Variants in TAB3 observed in about 807,000 individuals in gnomAD.
The protein encoded by TAB3 is TGF-beta-activated kinase 1 and MAP3K7-binding protein 3.
TAB3 carries 18 observed loss-of-function variants against 48.1 expected under a neutral mutation model. That is an observed-to-expected ratio of 0.37 (90% CI 0.26 to 0.55). The LOEUF is 0.55. Ranked by LOEUF, TAB3 falls within the 20% of genes least tolerant of loss-of-function variation. TAB3 has a pLI of 0.78. For missense variants in TAB3, 414 were observed against 549.8 expected (o/e 0.75, Z 2.47); for synonymous variants, 185 against 190.2 (o/e 0.97, Z 0.22).
chrX:30,869,985 G>T (rs1373176269), intron 2 of TAB3, among the ~76,000 whole-genome samples: 1 of 112,452 alleles, frequency 8.9e-6, no homozygotes, highest in Non-Finnish European at 1.9e-5. Context: ...CTTACTGTGG[G>T]TTTGAGAAAT....
chrX:30,875,272 C>T (rs943956843), intron 1 of TAB3, among the ~76,000 whole-genome samples: 1 of 112,282 alleles, frequency 8.9e-6, no homozygotes, highest in Non-Finnish European at 1.9e-5. Flanking sequence ...AGGTGTGGGA[C>T]GACAGACGAG....
chrX:30,843,105 AT>A (rs746881054), intron 8 of TAB3, 56 bp from the exon 9 acceptor site: 253 of 690,298 alleles, frequency 3.7e-4, no homozygotes, highest in Middle Eastern at 2.6e-3. Context: ...CTGTTATTTG[AT>A]TTTTTTTTAA....
intron 9 of TAB3, among the ~76,000 whole-genome samples, chrX:30,842,151 C>T (rs1450931416): frequency 8.9e-6 from 1 of 112,508 alleles, no homozygotes; most frequent in Non-Finnish European, 1.9e-5. Context: ...AAAATAAGAA[C>T]ATGTTTGATA....
intron 10 of TAB3, among the ~76,000 whole-genome samples, chrX:30,832,973 C>CTTTT (rs771088514): frequency 4.1e-5 from 4 of 97,916 alleles, no homozygotes; most frequent in Non-Finnish European, 6.2e-5. Context: ...TTCTTTCTTT[C>CTTTT]TTTTTTTTTT....
chrX:30,877,627 A>C (rs192747139), intron 1 of TAB3, among the ~76,000 whole-genome samples: 1 of 111,891 alleles, frequency 8.9e-6, no homozygotes, highest in East Asian at 2.8e-4. Context: ...GGGTAATCAC[A>C]AAAAGAATAA....
At chrX:30,831,693 T>A in intron 10 of TAB3, 118 bp from the exon 11 acceptor site, 1 of 802,371 alleles carries the variant, frequency 1.2e-6, no homozygotes, top group African/African-American at 2.1e-5. Flanking sequence ...TTGCCTACTT[T>A]AATATGTAAG....
chrX:30,881,512 G>A (rs1411034292), intron 1 of TAB3, among the ~76,000 whole-genome samples: 4 of 111,442 alleles, frequency 3.6e-5, no homozygotes, highest in Non-Finnish European at 5.7e-5. Flanking sequence ...TACAAGAGGT[G>A]TCAAACCAAC....
In TAB3 at chrX:30,828,009, G is replaced by A. The variant is rs1160525409; in HGVS notation, c.*3418C>T. ...TGTCATTTTTCTTTCTCTACAGATAGATATACAGACACACACGGTAACATG... is the reference window on the plus strand; with the variant it reads ...TGTCATTTTTCTTTCTCTACAGATAAATATACAGACACACACGGTAACATG... On this transcript the variant is annotated 3_prime_UTR_variant, in exon 11 of 11. Coordinates refer to ENST00000288422, the MANE Select transcript of TAB3 (RefSeq NM_152787.5). 1 of 111,966 alleles carries A rather than the reference G, an allele frequency of 8.9e-6. No homozygotes were observed. Among genetic ancestry groups the A allele is most frequent in the Non-Finnish European group, 1.9e-5 (1 of 53,130 alleles). 9.2% of individuals were successfully genotyped at this position (111,966 alleles called of 1,213,427 possible).
intron 9 of TAB3, among the ~76,000 whole-genome samples, chrX:30,842,560 A>G (rs1938487185): frequency 8.9e-6 from 1 of 111,980 alleles, no homozygotes; most frequent in Admixed American, 9.5e-5. Flanking sequence ...TTTAAAAACT[A>G]AAGTTTGGGG....
intron 9 of TAB3, among the ~76,000 whole-genome samples, chrX:30,842,632 C>CA (rs1387860338): frequency 9.8e-6 from 1 of 101,750 alleles, no homozygotes; most frequent in Non-Finnish European, 2.0e-5. Context: ...CAGTGAGCAA[C>CA]ATGGTGAGAT....
chrX:30,853,326 A>G (rs756510616), intron 6 of TAB3, among the ~76,000 whole-genome samples: 5 of 112,857 alleles, frequency 4.4e-5, no homozygotes, highest in Non-Finnish European at 9.4e-5. Flanking sequence ...GTCTACTATT[A>G]GCTAATCCAA....
Position 30,831,530 on chromosome X carries a change from T to C in TAB3, c.2036A>G (p.Asp679Gly). 8.3e-7 allele frequency: 1 copy of C among 1,211,381 alleles called. No homozygotes were observed. The highest frequency in any genetic ancestry group is 1.1e-6 in the Non-Finnish European group (1 of 895,427). The change falls in exon 11 of 11, where the codon GAT becomes GGT. Residue 679 changes from aspartate (D) to glycine (G), a missense_variant. Coordinates refer to ENST00000288422, the MANE Select transcript of TAB3 (RefSeq NM_152787.5). ...CCATGGAGCCCCTTCGTAGTCTTCA[T>C]CTCGAGGTTGTGTCCGAGGACTTTG... ...STQSPRTQPRDEDYEGAPWNC... is the reference protein window; with the variant it reads ...STQSPRTQPRGEDYEGAPWNC...
chrX:30,831,649 A>G (rs1243110056), intron 10 of TAB3, 74 bp from the exon 11 acceptor site: 13 of 1,069,972 alleles, frequency 1.2e-5, no homozygotes, highest in Non-Finnish European at 1.5e-5. Flanking sequence ...ATCCAAACTG[A>G]AAAGAAAAAT....
In TAB3 at chrX:30,831,289, C is replaced by G. The variant is rs748214616; in HGVS notation, c.*138G>C. 1.4e-6 allele frequency: 1 copy of G among 731,074 alleles called. No homozygotes were observed. Among genetic ancestry groups the G allele is most frequent in the Non-Finnish European group, 1.9e-6 (1 of 529,689 alleles). The allele number at this position is 731,074 out of a possible 1,213,427, so 60.2% of individuals were successfully genotyped here. ...ATTTTTCCTTTCGTGAGCACAACGA[C>G]GACCACAAAGCCATTCCTCCTCCCC... is the stretch of plus-strand genomic sequence containing the variant. On this transcript the variant is annotated 3_prime_UTR_variant, in exon 11 of 11. Transcript: ENST00000288422.
intron 1 of TAB3, among the ~76,000 whole-genome samples, chrX:30,878,170 TGCATTA>T (rs1939891200): frequency 8.9e-6 from 1 of 111,833 alleles, no homozygotes; most frequent in Non-Finnish European, 1.9e-5. Flanking sequence ...GAATGAGACA[TGCATTA>T]GTATCTCAGG....
At chrX:30,850,924 A>G (rs1247958608) in intron 7 of TAB3, among the ~76,000 whole-genome samples, 2 of 111,159 alleles carry the variant, frequency 1.8e-5, no homozygotes, top group Non-Finnish European at 3.8e-5. Flanking sequence ...ATATGATTAA[A>G]GAAAATTACT....
At chrX:30,878,025 C>T (rs184587823) in intron 1 of TAB3, among the ~76,000 whole-genome samples, 4 of 112,496 alleles carry the variant, frequency 3.6e-5, no homozygotes, top group Non-Finnish European at 7.5e-5. Flanking sequence ...AAAAGGATCA[C>T]TAGAGTTAAA....
chrX:30,869,146 C>G (rs748012744), intron 2 of TAB3, among the ~76,000 whole-genome samples: 1 of 109,711 alleles, frequency 9.1e-6, no homozygotes, highest in Non-Finnish European at 1.9e-5. Flanking sequence ...CTGCAACCTC[C>G]GCCTCCTGGG....
rs1601823739 is a variant in TAB3, at chrX:30,859,666, C to G, written c.-78G>C. 5.0e-6 allele frequency: 3 copies of G among 605,717 alleles called. No individual in the cohort carries two copies. The East Asian group carries it at 1.1e-4, about 22-fold the overall frequency. 49.9% of individuals were successfully genotyped at this position (605,717 alleles called of 1,213,427 possible). A position where few individuals can be genotyped will look rare whatever the true frequency, so the allele number is the denominator to read the frequency against. On this transcript the variant is annotated 5_prime_UTR_variant, in exon 5 of 11. Coordinates refer to ENST00000288422, the MANE Select transcript of TAB3 (RefSeq NM_152787.5). ...TTCCAAAAGTAATGATCTTCTAGCA[C>G]CACAGTCATTTTCTATTTAAAAAAA...
Sources: gnomAD v4.1 joint callset for allele counts (sites outside exome capture counted in the v4.1 genomes callset) on GRCh38, gnomAD v4.1.1 for gene constraint, MANE v1.5 for transcripts, NCBI Gene and HGNC (gene_info 2026-07-23, HGNC 2026-07-21) for gene names.